Variants in TAB1 observed in about 807,000 individuals in gnomAD.
The protein encoded by TAB1 is TGF-beta activated kinase 1 (MAP3K7) binding protein 1.
A neutral mutation model predicts 54.5 loss-of-function variants in TAB1; 30 were observed. That is an observed-to-expected ratio of 0.55 (90% CI 0.41 to 0.75). The LOEUF is 0.75. Ranked by LOEUF, TAB1 falls within the 30% of genes least tolerant of loss-of-function variation. TAB1 has a pLI of 0.00. For synonymous variants in TAB1, 289 were observed against 286.9 expected, an observed-to-expected ratio of 1.01 and a Z score of -0.07; for missense variants, 609 against 683.2, an observed-to-expected ratio of 0.89 and a Z score of 1.21.
At chr22:39,400,199 A>G (rs1926073477) in intron 1 of TAB1, among the ~76,000 whole-genome samples, 1 of 152,154 alleles carries the variant, frequency 6.6e-6, no homozygotes, top group Admixed American at 6.5e-5. Context: ...TCCACAGTGT[A>G]CCGCTTACTG....
downstream of TAB1, among the ~76,000 whole-genome samples, chr22:39,435,129 C>G (rs1038881817): frequency 2.6e-5 from 4 of 152,190 alleles, no homozygotes; most frequent in Admixed American, 2.0e-4. Flanking sequence ...TACCCCCACC[C>G]TAGGACCCCC....
chr22:39,431,719 G>A lies in TAB1; in HGVS notation c.*1497G>A. ...CACTCCCCACTTTGAAGCCATCTCT[G>A]TTCTGCAGGTGAGAGGATTTAAAGT... On this transcript the variant is annotated 3_prime_UTR_variant, in exon 11 of 11. Coordinates refer to ENST00000216160, the MANE Select transcript of TAB1 (RefSeq NM_006116.3). The A allele has an allele frequency of 1.0e-6, 1 of 985,478 alleles. No homozygotes were observed. Among genetic ancestry groups the A allele is most frequent in the Non-Finnish European group, 1.2e-6 (1 of 829,974 alleles). 61.0% of individuals were successfully genotyped at this position (985,478 alleles called of 1,614,324 possible).
chr22:39,411,117 A>G (rs952796605), intron 1 of TAB1, among the ~76,000 whole-genome samples: 14 of 152,308 alleles, frequency 9.2e-5, no homozygotes, highest in African/African-American at 3.4e-4. Context: ...GAAAAAAAAA[A>G]TGGACCTAAA....
chr22:39,423,849 G>A (rs1359831717), intron 8 of TAB1, among the ~76,000 whole-genome samples: 1 of 151,170 alleles, frequency 6.6e-6, no homozygotes, highest in Non-Finnish European at 1.5e-5. Context: ...CTAATGTATA[G>A]TGTTTTATAG....
In TAB1 at chr22:39,426,864, A is replaced by C. The variant is rs1235249480; in HGVS notation, c.1083A>C (p.Leu361=). ...FCPRHEDMTL[L]VRNFGYPLGE... is the part of the protein sequence containing the mutation. The stretch of plus-strand genomic sequence containing the variant: ...CCCGGCACGAGGACATGACCCTGCT[A>C]GTGAGGAACTTTGGCTACCCGCTGG... Residue 361 remains leucine (L), a synonymous_variant, in exon 9 of 11, where the codon CTA becomes CTC. Coordinates refer to ENST00000216160, the MANE Select transcript of TAB1 (RefSeq NM_006116.3). 6.2e-7 allele frequency: 1 copy of C among 1,613,400 alleles called. No individual in the cohort carries two copies. The highest frequency in any genetic ancestry group is 2.2e-5 in the East Asian group (1 of 44,878).
chr22:39,428,028 A>G lies in TAB1; in HGVS notation c.1152A>G (p.Gly384=). The G allele has an allele frequency of 6.3e-7, 1 of 1,592,396 alleles. No homozygotes were observed. The highest frequency in any genetic ancestry group is 1.3e-5 in the African/African-American group (1 of 74,728). ...QPTPSPAPAA[G]GRVYPVSVPY... ...ACTCTCTTCCTCCCAAAGCTGCAGG[A>G]GGACGAGTGTACCCTGTGTCTGTGC... Residue 384 remains glycine (G), a synonymous_variant, in exon 10 of 11, where the codon GGA becomes GGG. Coordinates refer to ENST00000216160, the MANE Select transcript of TAB1 (RefSeq NM_006116.3).
intron 10 of TAB1, chr22:39,429,033 C>T: frequency 1.0e-6 from 1 of 984,912 alleles, no homozygotes; most frequent in Non-Finnish European, 1.2e-6. Context: ...AGGAGTCCTC[C>T]AGCTGTGTCC....
rs750777418 is a variant in TAB1, at chr22:39,405,507, C to CTCAGCT, written c.33+5675_33+5680dup. ...TGTGCTGAGTGAGAGACGCCCCCTTCTCAGCTTCTCGCAGACTCTTGCTCC... is the reference window on the plus strand; with the variant it reads ...TGTGCTGAGTGAGAGACGCCCCCTTCTCAGCTTCAGCTTCTCGCAGACTCTTGCTCC... On this transcript the variant is annotated intron_variant, in intron 1 of 10. Coordinates refer to ENST00000216160, the MANE Select transcript of TAB1 (RefSeq NM_006116.3). Among the ~76,000 whole-genome samples the CTCAGCT allele has an allele frequency of 1.4e-3, 211 of 152,374 alleles. 1 individual carries two copies. Among genetic ancestry groups the CTCAGCT allele is most frequent in the Middle Eastern group, 3.4e-3 (1 of 294 alleles).
intron 1 of TAB1, among the ~76,000 whole-genome samples, chr22:39,404,528 A>G (rs1926280368): frequency 6.6e-6 from 1 of 151,576 alleles, no homozygotes; most frequent in Non-Finnish European, 1.5e-5. Flanking sequence ...TGATCCCCTC[A>G]CTGCACTCCA....
In TAB1 at chr22:39,399,824, T is replaced by A; in HGVS notation, c.22T>A (p.Leu8Met). The A allele has an allele frequency of 6.3e-7, 1 of 1,597,798 alleles. No individual in the cohort carries two copies. Among genetic ancestry groups the A allele is most frequent in the East Asian group, 2.3e-5 (1 of 44,228 alleles). MAAQRRSLLQSEQQPSWT... is the reference protein window; with the variant it reads MAAQRRSMLQSEQQPSWT... ...CAAGATGGCGGCGCAGAGGAGGAGC[T>A]TGCTGCAGAGTGTGAGGAACAGGCC... Residue 8 changes from leucine (L) to methionine (M), a missense_variant, in exon 1 of 11, where the codon TTG (leucine) becomes ATG (methionine). Coordinates refer to ENST00000216160, the MANE Select transcript of TAB1 (RefSeq NM_006116.3).
At chr22:39,414,555 C>T (rs545869649) in intron 1 of TAB1, among the ~76,000 whole-genome samples, 12 of 152,310 alleles carry the variant, frequency 7.9e-5, no homozygotes, top group East Asian at 5.8e-4. Flanking sequence ...GCAGATGTCC[C>T]GGGCCCTGCC....
At chr22:39,407,227 T>C (rs1926403602) in intron 1 of TAB1, among the ~76,000 whole-genome samples, 1 of 152,230 alleles carries the variant, frequency 6.6e-6, no homozygotes, top group Non-Finnish European at 1.5e-5. Flanking sequence ...CTCTTGGGTA[T>C]ATGAAAGCTG....
chr22:39,403,466 G>T (rs913281267), intron 1 of TAB1, among the ~76,000 whole-genome samples: 20 of 152,198 alleles, frequency 1.3e-4, no homozygotes, highest in African/African-American at 4.8e-4. Context: ...TGGGTGGAGT[G>T]CCTTGGGGGA....
downstream of TAB1, among the ~76,000 whole-genome samples, chr22:39,434,838 G>A (rs796216785): frequency 2.6e-5 from 4 of 152,358 alleles, no homozygotes; most frequent in African/African-American, 9.6e-5. Context: ...TTCCACATGC[G>A]CCATGATTAA....
At chr22:39,429,357 T>A (rs1927487173) in intron 10 of TAB1, 1 of 985,416 alleles carries the variant, frequency 1.0e-6, no homozygotes, top group Non-Finnish European at 1.2e-6. Context: ...TAATGGACAG[T>A]CGGTGGTTCA....
rs764098687 is a variant in TAB1, at chr22:39,415,489, C to G, written c.171-11C>G. 1 of 1,611,536 alleles carries G rather than the reference C, an allele frequency of 6.2e-7. No homozygotes were observed. The highest frequency in any genetic ancestry group is 1.1e-5 in the South Asian group (1 of 91,036). ...GGTCTCAGGCCTCCCTCTGCCCTCT[C>G]CCTCTTCCAGGAGTGAGAACAACTG... On this transcript the variant is annotated splice_polypyrimidine_tract_variant and intron_variant, in intron 2 of 10. Transcript: ENST00000216160. This position sits in a 1 kb window ranked among gnomAD's most constrained non-coding sequence, Gnocchi z 4.9.
rs771588268 is a variant in TAB1, at chr22:39,430,088, C to T, written c.1381C>T (p.Leu461Phe). The T allele has an allele frequency of 2.1e-5, 34 of 1,614,116 alleles. No individual in the cohort carries two copies. Among genetic ancestry groups the T allele is most frequent in the Non-Finnish European group, 2.9e-5 (34 of 1,180,046 alleles). Reference protein sequence around the residue: ...QSSSSSSDGGLFRSRPAHSLP... With the variant: ...QSSSSSSDGGFFRSRPAHSLP... Reference sequence around the variant, plus strand: ...CAGCAGCTCCAGCTCTGACGGAGGCCTCTTCCGCTCCCGGCCCGCCCACTC... The same window carrying T: ...CAGCAGCTCCAGCTCTGACGGAGGCTTCTTCCGCTCCCGGCCCGCCCACTC... Residue 461 changes from leucine to phenylalanine, a missense_variant, in exon 11 of 11, where the codon CTC (leucine) becomes TTC (phenylalanine). Transcript: ENST00000216160.
In TAB1 at chr22:39,402,023, TG is replaced by T. The variant is rs201487320; in HGVS notation, c.33+2192del. ...GAGCATATGCCACTGATACAATACC[TG>T]GGGCACTGTCTTGTTATTGTAGACC... is the stretch of plus-strand genomic sequence containing the variant. On this transcript the variant is annotated intron_variant, in intron 1 of 10. Coordinates refer to ENST00000216160, the MANE Select transcript of TAB1 (RefSeq NM_006116.3). 8.3e-3 allele frequency among the ~76,000 whole-genome samples: 1,262 copies of T among 152,210 alleles called. 16 individuals carry two copies. The highest frequency in any genetic ancestry group is 0.03 in the South Asian group (144 of 4,826).
At chr22:39,428,879 G>C (rs147747564) in intron 10 of TAB1, among the ~76,000 whole-genome samples, 4 of 152,354 alleles carry the variant, frequency 2.6e-5, no homozygotes, top group African/African-American at 9.6e-5. Context: ...CCCATCAGGG[G>C]GCCTTCCTTT....
Sources: allele counts gnomAD v4.1 joint callset (sites outside exome capture counted in the v4.1 genomes callset), GRCh38; gene constraint gnomAD v4.1.1; non-coding constraint Gnocchi (gnomAD v3.1); transcripts MANE v1.5; gene names NCBI Gene and HGNC (gene_info 2026-07-23, HGNC 2026-07-21).